WDPCP: variants seen among roughly 807,000 people sequenced by gnomAD.
WDPCP encodes WD repeat containing planar cell polarity effector, also known as WD repeat-containing and planar cell polarity effector protein fritz homolog.
In WDPCP, 71 loss-of-function variants were observed where a neutral mutation model predicts 93.1. The ratio of observed to expected loss-of-function variants is 0.76; its 90% CI spans 0.63 to 0.93. The LOEUF (loss-of-function observed/expected upper bound fraction) is 0.93. Ranked by LOEUF, WDPCP falls within the 40% of genes least tolerant of loss-of-function variation. WDPCP has a pLI of 0.00. For synonymous variants in WDPCP, 315 were observed against 315.0 expected, an observed-to-expected ratio of 1.00 and a Z score of 0.00; for missense variants, 844 against 887.4, an observed-to-expected ratio of 0.95 and a Z score of 0.62.
chr2:63,391,171 A>C lies in WDPCP; in HGVS notation c.1436-9077T>G, dbSNP rs1693210064. On this transcript the variant is annotated intron_variant, in intron 10 of 17. Coordinates refer to ENST00000272321, the MANE Select transcript of WDPCP (RefSeq NM_015910.7). ...ACACTGGCAAACCGAATCCAGCAGC[A>C]CATCAAAAAAGCTTATCCACCACGA... 2.6e-5 allele frequency among the ~76,000 whole-genome samples: 4 copies of C among 152,336 alleles called. No individual in the cohort carries two copies. The South Asian group carries it at 8.3e-4, about 32-fold the overall frequency.
chr2:63,682,266 G>A (rs1009746585), intron 2 of WDPCP, among the ~76,000 whole-genome samples: 6 of 152,090 alleles, frequency 3.9e-5, no homozygotes, highest in Non-Finnish European at 7.4e-5. Flanking sequence ...GCTATTTTGG[G>A]GAAACTCAAA....
chr2:63,552,806 C>T (rs1705779670), intron 1 of WDPCP, among the ~76,000 whole-genome samples: 1 of 152,162 alleles, frequency 6.6e-6, no homozygotes, highest in Non-Finnish European at 1.5e-5. Flanking sequence ...AGGAATAGAA[C>T]CTGTGTTTTG....
intron 14 of WDPCP, among the ~76,000 whole-genome samples, chr2:63,187,848 T>C (rs2104180263): frequency 6.6e-6 from 1 of 152,360 alleles, no homozygotes; most frequent in East Asian, 1.9e-4. Flanking sequence ...CTACCATCCT[T>C]TGTTTAATTT....
intron 12 of WDPCP, among the ~76,000 whole-genome samples, chr2:63,374,635 A>G (rs908639191): frequency 6.6e-6 from 1 of 152,194 alleles, no homozygotes; most frequent in African/African-American, 2.4e-5. Context: ...CCTATCATAT[A>G]TATTTTACAT....
intron 14 of WDPCP, among the ~76,000 whole-genome samples, chr2:63,223,772 C>G (rs1172667549): frequency 6.6e-6 from 1 of 152,060 alleles, no homozygotes; most frequent in Non-Finnish European, 1.5e-5. Flanking sequence ...TCCAAATAAC[C>G]TAGCACCATT....
At chr2:63,342,569 G>A (rs183833490) in intron 12 of WDPCP, among the ~76,000 whole-genome samples, 1 of 152,096 alleles carries the variant, frequency 6.6e-6, no homozygotes, top group Admixed American at 6.5e-5. Flanking sequence ...TATAATTAAT[G>A]TACTAAATTT....
At chr2:63,467,499 C>T (rs1043272780) in intron 6 of WDPCP, among the ~76,000 whole-genome samples, 1 of 149,942 alleles carries the variant, frequency 6.7e-6, no homozygotes, top group Non-Finnish European at 1.5e-5. Flanking sequence ...AAAGAAAATG[C>T]CAGGCGTGGT....
At chr2:63,622,226 G>A (rs961907768) in intron 3 of WDPCP, 108 of 1,607,682 alleles carry the variant, frequency 6.7e-5, no homozygotes, top group Non-Finnish European at 8.8e-5. Context: ...CCTTGCTGGC[G>A]AGGTCCTTGG....
At chr2:63,657,359 C>A (rs1042967365) in intron 2 of WDPCP, among the ~76,000 whole-genome samples, 18 of 152,076 alleles carry the variant, frequency 1.2e-4, no homozygotes, top group African/African-American at 4.3e-4. Context: ...CACCCGCCAC[C>A]AAGCCCGGCT....
intron 12 of WDPCP, among the ~76,000 whole-genome samples, chr2:63,373,276 A>G (rs1374613039): frequency 1.3e-5 from 2 of 148,396 alleles, no homozygotes; most frequent in Non-Finnish European, 3.0e-5. Context: ...CTTTTAAATG[A>G]CATACGGTCT....
At chr2:63,698,634 CA>C (rs1028957018) in intron 2 of WDPCP, among the ~76,000 whole-genome samples, 1 of 152,132 alleles carries the variant, frequency 6.6e-6, no homozygotes, top group African/African-American at 2.4e-5. Flanking sequence ...CAGAAGTAAG[CA>C]GGAAATTTCA....
intron 1 of WDPCP, among the ~76,000 whole-genome samples, chr2:63,574,657 C>T (rs1048753844): frequency 2.0e-5 from 3 of 151,856 alleles, no homozygotes; most frequent in African/African-American, 7.3e-5. Flanking sequence ...TAAAATCAAG[C>T]TAATATGAAG....
intron 2 of WDPCP, among the ~76,000 whole-genome samples, chr2:63,727,840 A>T (rs539123930): frequency 6.6e-6 from 1 of 152,264 alleles, no homozygotes; most frequent in Non-Finnish European, 1.5e-5. Flanking sequence ...GTGTGTGTAG[A>T]GGTGCTCATA....
intron 14 of WDPCP, among the ~76,000 whole-genome samples, chr2:63,258,496 G>C (rs2104766182): frequency 6.6e-6 from 1 of 152,184 alleles, no homozygotes; most frequent in East Asian, 1.9e-4. Context: ...CAAAGCACAA[G>C]ATCTGTCAAT....
intron 1 of WDPCP, among the ~76,000 whole-genome samples, chr2:63,817,549 G>A (rs1247457777): frequency 6.6e-6 from 1 of 152,126 alleles, no homozygotes; most frequent in East Asian, 1.9e-4. Context: ...GTTAAATCTT[G>A]CCTGCCACCA....
chr2:63,183,779 T>C (rs1436797484), intron 14 of WDPCP, among the ~76,000 whole-genome samples: 1 of 152,102 alleles, frequency 6.6e-6, no homozygotes, highest in Non-Finnish European at 1.5e-5. Context: ...TCCAGTAATA[T>C]TTGTTTTGTG....
intron 1 of WDPCP, among the ~76,000 whole-genome samples, chr2:63,816,952 T>C (rs1304415852): frequency 6.6e-6 from 1 of 151,992 alleles, no homozygotes; most frequent in African/African-American, 2.4e-5. Flanking sequence ...ATCAGAACAG[T>C]GGTTAACCTC....
intron 9 of WDPCP, among the ~76,000 whole-genome samples, chr2:63,424,925 C>T (rs936307040): frequency 1.3e-5 from 2 of 152,164 alleles, no homozygotes; most frequent in Non-Finnish European, 2.9e-5. Flanking sequence ...GCTTATCTTT[C>T]CCCCTACACC....
chr2:63,369,420 T>C (rs768480866), intron 12 of WDPCP: 1 of 456,562 alleles, frequency 2.2e-6, no homozygotes, highest in Non-Finnish European at 4.4e-6. Flanking sequence ...TGCAGTTCAC[T>C]CTCTTATAAA....
Sources: gnomAD v4.1 joint callset for allele counts (sites outside exome capture counted in the v4.1 genomes callset) on GRCh38, gnomAD v4.1.1 for gene constraint, MANE v1.5 for transcripts, NCBI Gene and HGNC (gene_info 2026-07-23, HGNC 2026-07-21) for gene names.